The following CDC42BPB variants were observed in gnomAD, a reference collection of about 807,000 sequenced individuals.
The protein encoded by CDC42BPB is serine/threonine-protein kinase MRCK beta.
CDC42BPB carries 37 observed loss-of-function variants against 214.9 expected under a neutral mutation model. The observed-to-expected ratio is 0.17, with a 90% confidence interval of 0.13 to 0.23. CDC42BPB has a LOEUF of 0.23. Ranked by LOEUF, CDC42BPB falls within the 10% of genes least tolerant of loss-of-function variation. The pLI is 1.00. For synonymous variants in CDC42BPB, 931 were observed against 884.0 expected (o/e 1.05, Z -0.94); for missense variants, 1,694 against 2,227.0 (o/e 0.76, Z 4.82).
At chr14:102,946,755 C>T (rs1438128744) in intron 27 of CDC42BPB, 71 bp from the exon 28 acceptor site, 6 of 1,567,200 alleles carry the variant, frequency 3.8e-6, no homozygotes, top group Non-Finnish European at 5.2e-6. Context: ...TACCACGGCC[C>T]TGCTGGAGCC....
intron 29 of CDC42BPB, chr14:102,945,306 GC>G (rs763492106): frequency 4.3e-6 from 2 of 466,394 alleles, no homozygotes; most frequent in South Asian, 3.1e-5. Context: ...GGATACCTTT[GC>G]CCTTCCTCGC....
chr14:102,993,453 A>G (rs1175550186), intron 5 of CDC42BPB, among the ~76,000 whole-genome samples: 1 of 152,018 alleles, frequency 6.6e-6, no homozygotes, highest in African/African-American at 2.4e-5. Context: ...TCCCACGTCC[A>G]CCAGTTTTTC....
At chr14:103,056,430 GA>G (rs1390388273) in intron 1 of CDC42BPB, among the ~76,000 whole-genome samples, 1 of 152,198 alleles carries the variant, frequency 6.6e-6, no homozygotes, top group African/African-American at 2.4e-5. Flanking sequence ...GCTCCCTGGG[GA>G]TGCAAGGGGG....
chr14:102,983,217 C>T (rs542088031), intron 7 of CDC42BPB, among the ~76,000 whole-genome samples: 3 of 152,216 alleles, frequency 2.0e-5, no homozygotes, highest in Non-Finnish European at 2.9e-5. Context: ...ACTCCATGCG[C>T]CTGTGCAGAC....
At position 102,970,142 on chromosome 14, in the gene CDC42BPB, C is replaced by T. The variant is rs368115705; in HGVS notation, c.1995+9G>A. The T allele has an allele frequency of 1.2e-6, 2 of 1,608,498 alleles. No homozygotes were observed. Among genetic ancestry groups the T allele is most frequent in the African/African-American group, 1.3e-5 (1 of 74,822 alleles). ...TCAGTTAAGGGCAGAGACCCCCGCC[C>T]AGCACTACCTTGAGGGCCTCCAGCT... is the stretch of plus-strand genomic sequence containing the variant. On this transcript the variant is annotated intron_variant, in intron 14 of 36. Coordinates refer to ENST00000361246, the MANE Select transcript of CDC42BPB (RefSeq NM_006035.4).
At chr14:103,033,822 A>G (rs763728297) in intron 1 of CDC42BPB, among the ~76,000 whole-genome samples, 37 of 152,232 alleles carry the variant, frequency 2.4e-4, no homozygotes, top group Non-Finnish European at 1.8e-4. Context: ...CGAAATCACT[A>G]CAAGCTCCTG....
At chr14:102,980,675 G>A in intron 8 of CDC42BPB, 98 bp downstream of exon 8, 1 of 1,208,704 alleles carries the variant, frequency 8.3e-7, no homozygotes, top group Non-Finnish European at 1.2e-6. Flanking sequence ...AAATTTCACA[G>A]CTTTATGGTG....
At position 102,945,240 on chromosome 14, in the gene CDC42BPB, CCA is replaced by C. The variant is rs1404218244; in HGVS notation, c.3811+420_3811+421del. ...CCCTGCCCCCTGCCCATGGCCAGTT[CCA>C]GTCTCCTGACGTTTCTGCTCCTAGA... On this transcript the variant is annotated intron_variant, in intron 29 of 36. Transcript: ENST00000361246. 4 of 458,524 alleles carry C rather than the reference CCA, an allele frequency of 8.7e-6. No individual in the cohort carries two copies. The Admixed American group carries it at 9.4e-5, about 11-fold the overall frequency. The allele number at this position is 458,524 out of a possible 1,614,324, so 28.4% of individuals were successfully genotyped here.
chr14:103,040,304 A>G (rs1440825670), intron 1 of CDC42BPB, among the ~76,000 whole-genome samples: 1 of 151,320 alleles, frequency 6.6e-6, no homozygotes, highest in Non-Finnish European at 1.5e-5. Context: ...GCAGTGAGCC[A>G]AGATTGTGCC....
chr14:103,027,385 G>A (rs1457158605), intron 1 of CDC42BPB, among the ~76,000 whole-genome samples: 1 of 151,994 alleles, frequency 6.6e-6, no homozygotes, highest in African/African-American at 2.4e-5. Context: ...CTAAGAACCA[G>A]GTTTTAAAAA....
chr14:102,934,367 T>C (rs1019129936), intron 36 of CDC42BPB, among the ~76,000 whole-genome samples: 6 of 152,034 alleles, frequency 3.9e-5, no homozygotes, highest in Non-Finnish European at 7.3e-5. Flanking sequence ...ACCCCGTCTC[T>C]ACTAAAAATA....
chr14:102,968,006 A>G (rs969925787), intron 16 of CDC42BPB, among the ~76,000 whole-genome samples: 1 of 151,934 alleles, frequency 6.6e-6, no homozygotes, highest in Non-Finnish European at 1.5e-5. Flanking sequence ...GAGGTGGGAG[A>G]ATGGCATGAA....
intron 13 of CDC42BPB, among the ~76,000 whole-genome samples, chr14:102,970,721 C>T (rs1893436830): frequency 6.6e-6 from 1 of 152,244 alleles, no homozygotes; most frequent in African/African-American, 2.4e-5. Flanking sequence ...CGAGGGCAAT[C>T]CCAGGCACTG....
chr14:103,044,402 C>T (rs1201039111), intron 1 of CDC42BPB, among the ~76,000 whole-genome samples: 9 of 147,142 alleles, frequency 6.1e-5, no homozygotes, highest in Admixed American at 1.4e-4. Context: ...CAGAGTCTCG[C>T]TCTGTCACCC....
Position 102,960,386 on chromosome 14 carries a change from G to A in CDC42BPB, c.2822-676C>T, listed in dbSNP as rs141882648. On this transcript the variant is annotated intron_variant, in intron 20 of 36. Transcript: ENST00000361246. ...CATCCCAGCACTTTGGGAGGCCAAG[G>A]TCGGAGGACTGCTTGAGGCCATGAG... 5.7e-3 allele frequency among the ~76,000 whole-genome samples: 866 copies of A among 152,142 alleles called. 10 individuals carry two copies. The highest frequency in any genetic ancestry group is 0.02 in the African/African-American group (836 of 41,490).
At chr14:102,965,387 TTAAAAA>T (rs1230195225) in intron 18 of CDC42BPB, among the ~76,000 whole-genome samples, 1 of 130,044 alleles carries the variant, frequency 7.7e-6, no homozygotes, top group African/African-American at 3.0e-5. Flanking sequence ...CTACCTGTGA[TTAAAAA>T]AAAAAAAAAA....
At chr14:103,037,546 C>T (rs1207608513) in intron 1 of CDC42BPB, among the ~76,000 whole-genome samples, 1 of 152,162 alleles carries the variant, frequency 6.6e-6, no homozygotes, top group Non-Finnish European at 1.5e-5. Flanking sequence ...AAAAATAGTA[C>T]TTGCCAAATG....
rs1387162153 is a variant in CDC42BPB at position 102,974,128 on chromosome 14, T to G, written c.1529A>C (p.Gln510Pro). 1 of 1,613,846 alleles carries G rather than the reference T, an allele frequency of 6.2e-7. No individual in the cohort carries two copies. Among genetic ancestry groups the G allele is most frequent in the East Asian group, 2.2e-5 (1 of 44,880 alleles). ...KIADSNRLERQLEDTVALRQE... is the reference protein window; with the variant it reads ...KIADSNRLERPLEDTVALRQE... ...GCGAAGCGCCACTGTGTCCTCAAGCTGTCGCTCGAGCCTGTTTGAATCTGG... is the reference window on the plus strand; with the variant it reads ...GCGAAGCGCCACTGTGTCCTCAAGCGGTCGCTCGAGCCTGTTTGAATCTGG... Residue 510 changes from glutamine to proline, a missense_variant, in exon 12 of 37, where the codon CAG (glutamine) becomes CCG (proline). Physicochemically the swap from Gln to Pro is moderately conservative, Grantham distance 76 (BLOSUM62 -1). Around this residue, in one of 7 missense-constraint regions of CDC42BPB, gnomAD observed 462 missense variants for 513.5 expected, o/e 0.90. Transcript: ENST00000361246.
chr14:102,996,569 T>C (rs1566890645), intron 5 of CDC42BPB, among the ~76,000 whole-genome samples: 1 of 151,938 alleles, frequency 6.6e-6, no homozygotes. Flanking sequence ...TTCCAGAACT[T>C]TGGGAGGCCG....
Sources: gnomAD v4.1 joint callset for allele counts (sites outside exome capture counted in the v4.1 genomes callset) on GRCh38, gnomAD v4.1.1 for gene constraint, gnomAD v4.1.1 regional missense constraint, MANE v1.5 for transcripts, NCBI Gene and HGNC (gene_info 2026-07-23, HGNC 2026-07-21) for gene names.